Variants in SRBD1 observed in about 807,000 individuals in gnomAD.
The protein encoded by SRBD1 is S1 RNA-binding domain-containing protein 1.
In SRBD1, 88 loss-of-function variants were observed where a neutral mutation model predicts 115.3. The ratio of observed to expected loss-of-function variants is 0.76; its 90% confidence interval spans 0.64 to 0.91. The LOEUF (loss-of-function observed/expected upper bound fraction) is 0.91. Ranked by LOEUF, SRBD1 falls within the 40% of genes least tolerant of loss-of-function variation. The probability of loss-of-function intolerance (pLI) is 0.00; values close to 1 mark genes in which losing one functional copy is unlikely to be tolerated. For synonymous variants in SRBD1, 509 were observed against 407.7 expected, an observed-to-expected ratio of 1.25 and a Z score of -2.99; for missense variants, 1,385 against 1,177.4, an observed-to-expected ratio of 1.18 and a Z score of -2.58.
intron 14 of SRBD1, among the ~76,000 whole-genome samples, chr2:45,525,733 AT>A (rs1302726265): frequency 6.6e-6 from 1 of 152,062 alleles, no homozygotes; most frequent in Non-Finnish European, 1.5e-5. Context: ...AAATATTAAC[AT>A]TTTTTAAAGA....
At chr2:45,418,651 A>T in intron 17 of SRBD1, 110 bp from the exon 18 acceptor site, 1 of 904,290 alleles carries the variant, frequency 1.1e-6, no homozygotes, top group Admixed American at 3.7e-5. Context: ...CATACGGCTA[A>T]GTTAAGTTAA....
chr2:45,439,807 C>A lies in SRBD1; in HGVS notation c.2050-19913G>T, dbSNP rs114753281. Among the ~76,000 whole-genome samples, 1,020 of 150,822 alleles carry A rather than the reference C, an allele frequency of 6.8e-3. 14 individuals carry two copies. Among genetic ancestry groups the A allele is most frequent in the African/African-American group, 0.023 (966 of 41,186 alleles). On this transcript the variant is annotated intron_variant, in intron 16 of 20. Coordinates refer to ENST00000263736, the MANE Select transcript of SRBD1 (RefSeq NM_018079.5). ...AGATCATACCGAAAAAAAAAAAGAA[C>A]CATAAGTAAAAAATACAACCTAAGT...
intron 6 of SRBD1, 33 bp downstream of exon 6, chr2:45,581,660 G>A (rs1673368095): frequency 1.3e-6 from 2 of 1,530,068 alleles, no homozygotes; most frequent in Non-Finnish European, 1.8e-6. Context: ...ATATATTCAG[G>A]TATTACATTA....
At chr2:45,509,371 C>T (rs1356454691) in intron 14 of SRBD1, among the ~76,000 whole-genome samples, 8 of 151,940 alleles carry the variant, frequency 5.3e-5, no homozygotes, top group Non-Finnish European at 7.4e-5. Context: ...CCGAGGCGGG[C>T]GGATCATGAG....
Position 45,594,532 on chromosome 2 carries a change from G to A in SRBD1, c.648+4917C>T, listed in dbSNP as rs1452066329. The stretch of plus-strand genomic sequence containing the variant: ...TAACTTTAACAAAAACTAGTTTCTG[G>A]TCGCAATCACACATTTGCAGTTTGG... On this transcript the variant is annotated intron_variant, in intron 4 of 20. Coordinates refer to ENST00000263736, the MANE Select transcript of SRBD1 (RefSeq NM_018079.5). Among the ~76,000 whole-genome samples the A allele has an allele frequency of 2.0e-5, 3 of 152,102 alleles. No homozygotes were observed. In the East Asian group the frequency reaches 5.8e-4, roughly 29 times the overall value.
intron 16 of SRBD1, among the ~76,000 whole-genome samples, chr2:45,463,855 C>T (rs1363163202): frequency 2.6e-5 from 4 of 152,108 alleles, no homozygotes; most frequent in Non-Finnish European, 5.9e-5. Context: ...TAAAAACTCC[C>T]TTAGGGCTCT....
chr2:45,401,728 A>T (rs1186371836), intron 19 of SRBD1, among the ~76,000 whole-genome samples: 1 of 152,208 alleles, frequency 6.6e-6, no homozygotes, highest in African/African-American at 2.4e-5. Flanking sequence ...TGTTAGACAT[A>T]TTCAGTAGGC....
At chr2:45,408,027 C>T (rs1572602840) in intron 19 of SRBD1, among the ~76,000 whole-genome samples, 1 of 152,192 alleles carries the variant, frequency 6.6e-6, no homozygotes, top group East Asian at 1.9e-4. Context: ...AATCATGTTA[C>T]ATTTTGATGT....
intron 14 of SRBD1, among the ~76,000 whole-genome samples, chr2:45,530,755 C>G (rs1671585920): frequency 6.6e-6 from 1 of 151,982 alleles, no homozygotes; most frequent in Non-Finnish European, 1.5e-5. Context: ...GTCACTCTTC[C>G]AAATACAGGG....
chr2:45,474,977 A>G (rs1362745277), intron 16 of SRBD1, among the ~76,000 whole-genome samples: 1 of 152,170 alleles, frequency 6.6e-6, no homozygotes, highest in Non-Finnish European at 1.5e-5. Flanking sequence ...CATCTTGATG[A>G]CGTTCTTAGT....
At chr2:45,566,520 G>C (rs769076106) in intron 9 of SRBD1, among the ~76,000 whole-genome samples, 5 of 152,192 alleles carry the variant, frequency 3.3e-5, no homozygotes, top group Non-Finnish European at 5.9e-5. Context: ...TATAGAGATA[G>C]AAAGTTGGCT....
chr2:45,414,217 T>C (rs570986595), intron 18 of SRBD1, among the ~76,000 whole-genome samples: 1 of 152,222 alleles, frequency 6.6e-6, no homozygotes, highest in Non-Finnish European at 1.5e-5. Flanking sequence ...CAAATTGAAA[T>C]CATTTGCAGG....
At chr2:45,419,484 C>T (rs560286929) in intron 17 of SRBD1, among the ~76,000 whole-genome samples, 4 of 152,172 alleles carry the variant, frequency 2.6e-5, no homozygotes, top group Non-Finnish European at 5.9e-5. Context: ...TCTACTCTCA[C>T]GTGGTGGGAA....
chr2:45,529,920 A>T (rs1260961103), intron 14 of SRBD1, among the ~76,000 whole-genome samples: 6 of 152,032 alleles, frequency 3.9e-5, no homozygotes, highest in African/African-American at 1.4e-4. Flanking sequence ...TGATACCAAA[A>T]TCTGAATTCT....
chr2:45,538,289 C>A (rs1450896921), intron 14 of SRBD1, among the ~76,000 whole-genome samples: 1 of 152,204 alleles, frequency 6.6e-6, no homozygotes, highest in East Asian at 1.9e-4. Context: ...CAGAATGCAA[C>A]TGGTCCCACT....
intron 10 of SRBD1, among the ~76,000 whole-genome samples, chr2:45,556,459 T>TG (rs1672480197): frequency 7.7e-6 from 1 of 130,274 alleles, no homozygotes; most frequent in Non-Finnish European, 1.6e-5. Flanking sequence ...TTTTTTTTTT[T>TG]TTTTTTTTTT....
chr2:45,473,440 T>C (rs1373361579), intron 16 of SRBD1, among the ~76,000 whole-genome samples: 3 of 152,226 alleles, frequency 2.0e-5, no homozygotes, highest in African/African-American at 4.8e-5. Context: ...TCCCATGTTA[T>C]GTCTTTCCCT....
chr2:45,580,115 CT>C (rs2104176634), intron 6 of SRBD1, 102 bp from the exon 7 acceptor site: 1 of 1,002,990 alleles, frequency 1.0e-6, no homozygotes, highest in East Asian at 2.8e-5. Flanking sequence ...TAAAGAAATC[CT>C]TTTCTCAATC....
chr2:45,435,795 T>C (rs1668479453), intron 16 of SRBD1, among the ~76,000 whole-genome samples: 1 of 152,122 alleles, frequency 6.6e-6, no homozygotes, highest in Non-Finnish European at 1.5e-5. Flanking sequence ...AAAATAATCC[T>C]TACTCAGATG....
Sources: gnomAD v4.1 joint callset for allele counts (sites outside exome capture counted in the v4.1 genomes callset) on GRCh38, gnomAD v4.1.1 for gene constraint, MANE v1.5 for transcripts, NCBI Gene and HGNC (gene_info 2026-07-23, HGNC 2026-07-21) for gene names.